DIP2C: variants seen among roughly 807,000 people sequenced by gnomAD.
DIP2C encodes disco-interacting protein 2 homolog C.
A neutral mutation model predicts 192.4 loss-of-function variants in DIP2C; 33 were observed. That is an observed-to-expected ratio of 0.17 (90% CI 0.13 to 0.23). The LOEUF is 0.23. Among genes scored for constraint, DIP2C ranks in the 10% least tolerant of loss-of-function variants. The pLI, the probability that DIP2C is intolerant of heterozygous loss-of-function variation, is 1.00. For synonymous variants in DIP2C, 979 were observed against 864.1 expected (o/e 1.13, Z -2.33); for missense variants, 1,537 against 2,110.1 (o/e 0.73, Z 5.32).
intron 22 of DIP2C, among the ~76,000 whole-genome samples, chr10:360,595 C>CA (rs969341173): frequency 7.2e-5 from 11 of 152,346 alleles, no homozygotes; most frequent in African/African-American, 2.2e-4. Flanking sequence ...AAGCCCTTCC[C>CA]AGGTGCCAGG....
intron 1 of DIP2C, among the ~76,000 whole-genome samples, chr10:687,740 G>T (rs755232676): frequency 3.9e-5 from 6 of 152,324 alleles, no homozygotes; most frequent in Middle Eastern, 3.4e-3. Flanking sequence ...ACAGGCAAGT[G>T]TCGTCACCTC....
intron 30 of DIP2C, among the ~76,000 whole-genome samples, chr10:327,578 A>G (rs1169752679): frequency 2.6e-5 from 4 of 152,274 alleles, no homozygotes; most frequent in Non-Finnish European, 5.9e-5. Flanking sequence ...TCTACATGTA[A>G]AAGAGATGGG....
intron 1 of DIP2C, among the ~76,000 whole-genome samples, chr10:573,917 C>G (rs560503989): frequency 6.6e-6 from 1 of 152,146 alleles, no homozygotes; most frequent in Non-Finnish European, 1.5e-5. Flanking sequence ...CATGGACACA[C>G]CACCACATCA....
At chr10:584,102 G>A (rs544283465) in intron 1 of DIP2C, among the ~76,000 whole-genome samples, 1 of 152,156 alleles carries the variant, frequency 6.6e-6, no homozygotes, top group Non-Finnish European at 1.5e-5. Context: ...AGGCTGCCCT[G>A]AAGTCTCCCC....
intron 3 of DIP2C, among the ~76,000 whole-genome samples, chr10:464,207 C>A (rs1020623706): frequency 2.6e-5 from 4 of 152,124 alleles, no homozygotes; most frequent in Non-Finnish European, 5.9e-5. Context: ...AGTGAACAGG[C>A]AACCTACAGA....
chr10:463,816 C>T (rs1393277320), intron 3 of DIP2C, among the ~76,000 whole-genome samples: 2 of 152,116 alleles, frequency 1.3e-5, no homozygotes, highest in Non-Finnish European at 2.9e-5. Context: ...GGGAACAGAA[C>T]AGAGGCCTCA....
chr10:415,656 A>T (rs1043501954), intron 7 of DIP2C, 113 bp downstream of exon 7: 2 of 1,452,032 alleles, frequency 1.4e-6, no homozygotes, highest in Non-Finnish European at 1.9e-6. Flanking sequence ...ATCATGCGGC[A>T]AATGCCACGA....
intron 1 of DIP2C, among the ~76,000 whole-genome samples, chr10:638,921 G>C (rs1462263479): frequency 6.6e-6 from 1 of 152,206 alleles, no homozygotes; most frequent in Admixed American, 6.5e-5. Flanking sequence ...ACAAACCCAC[G>C]GCCACCAGGA....
rs766439112 is a variant in DIP2C, at chr10:419,096, G to A, written c.708C>T (p.Tyr236=). The change falls in exon 6 of 37, where the codon TAC becomes TAT. Residue 236 remains tyrosine, a synonymous_variant. Coordinates refer to ENST00000280886, the MANE Select transcript of DIP2C (RefSeq NM_014974.3). ...GSTGSRTAPK[Y]GNAELMETGD... ...CGGTCTCCATGAGCTCGGCGTTGCC[G>A]TACTTGGGCGCTGTCCGGGACCCCG... The A allele has an allele frequency of 1.6e-4, 265 of 1,614,146 alleles. 2 individuals are homozygous for A. The East Asian group carries it at 1.8e-3, about 11-fold the overall frequency.
At chr10:461,243 G>A (rs1564740795) in intron 3 of DIP2C, among the ~76,000 whole-genome samples, 1 of 152,154 alleles carries the variant, frequency 6.6e-6, no homozygotes, top group Non-Finnish European at 1.5e-5. Flanking sequence ...CCCATTAAAA[G>A]ACACAGACTG....
intron 36 of DIP2C, 104 bp downstream of exon 36, chr10:281,096 C>T: frequency 6.6e-7 from 1 of 1,508,198 alleles, no homozygotes; most frequent in Non-Finnish European, 9.0e-7. Flanking sequence ...GCACCCCCTT[C>T]CCTACCTTAA....
intron 6 of DIP2C, among the ~76,000 whole-genome samples, chr10:417,597 AGG>A (rs1965730582): frequency 1.3e-5 from 2 of 149,994 alleles, no homozygotes; most frequent in Admixed American, 1.3e-4. Context: ...TGTTGGAGCT[AGG>A]ATAGGCATCC....
chr10:291,173 G>A (rs376996925), intron 32 of DIP2C, among the ~76,000 whole-genome samples: 4 of 152,300 alleles, frequency 2.6e-5, no homozygotes, highest in East Asian at 3.9e-4. Context: ...CTCACCCTCC[G>A]GCCGTATGTC....
intron 3 of DIP2C, among the ~76,000 whole-genome samples, chr10:468,686 C>G (rs945801816): frequency 2.6e-5 from 4 of 152,094 alleles, no homozygotes; most frequent in African/African-American, 9.7e-5. Flanking sequence ...CTTGAACCCA[C>G]GAGGCAGAGT....
chr10:489,552 G>A (rs368457375), intron 1 of DIP2C, among the ~76,000 whole-genome samples: 19 of 152,338 alleles, frequency 1.2e-4, no homozygotes, highest in African/African-American at 2.2e-4. Context: ...CTAGGGAGAC[G>A]GTGGCTCTGA....
Position 689,261 on chromosome 10 carries a change from C to A in DIP2C, c.85+233G>T, listed in dbSNP as rs1240117376. The stretch of plus-strand genomic sequence containing the variant: ...CCAGGCCCCACAGACACCCCCAGGG[C>A]GCGGGGAATCGCGGCCCCACAAACG... On this transcript the variant is annotated intron_variant, in intron 1 of 36. Transcript: ENST00000280886. This position sits in a 1 kb window ranked among gnomAD's most constrained non-coding sequence, Gnocchi z 6.1. 6.6e-6 allele frequency among the ~76,000 whole-genome samples: 1 copy of A among 151,650 alleles called. No individual in the cohort carries two copies. The highest frequency in any genetic ancestry group is 1.5e-5 in the Non-Finnish European group (1 of 67,850).
chr10:662,191 C>A (rs1588712629), intron 1 of DIP2C: 1 of 705,134 alleles, frequency 1.4e-6, no homozygotes, highest in South Asian at 1.5e-5. Context: ...TTTATCTATA[C>A]ACAAAGAGTA....
intron 1 of DIP2C, among the ~76,000 whole-genome samples, chr10:596,402 A>G (rs1851699915): frequency 7.0e-6 from 1 of 142,346 alleles, no homozygotes. Flanking sequence ...AGGCTAAAGG[A>G]GGAGAATCAC....
chr10:530,653 TAAAAA>T (rs59344971), intron 1 of DIP2C, among the ~76,000 whole-genome samples: 8 of 106,088 alleles, frequency 7.5e-5, no homozygotes, highest in African/African-American at 2.1e-4. Context: ...CCCTATCTCT[TAAAAA>T]AAAAAAAAAA....
Sources: allele counts gnomAD v4.1 joint callset (sites outside exome capture counted in the v4.1 genomes callset), GRCh38; gene constraint gnomAD v4.1.1; non-coding constraint Gnocchi (gnomAD v3.1); transcripts MANE v1.5; gene names NCBI Gene and HGNC (gene_info 2026-07-23, HGNC 2026-07-21).